Variants in SYBU observed in about 807,000 individuals in gnomAD.
SYBU encodes syntabulin.
A neutral mutation model predicts 35.9 loss-of-function variants in SYBU; 21 were observed. That is an observed-to-expected ratio of 0.58 (90% CI 0.41 to 0.84). The LOEUF is 0.84. Ranked by LOEUF, SYBU falls within the 40% of genes least tolerant of loss-of-function variation. The pLI is 0.00. For synonymous variants in SYBU, 319 were observed against 324.3 expected, an observed-to-expected ratio of 0.98 and a Z score of 0.18; for missense variants, 768 against 848.2, an observed-to-expected ratio of 0.91 and a Z score of 1.17.
chr8:109,603,457 A>G (rs1435802139), intron 3 of SYBU: 1 of 977,244 alleles, frequency 1.0e-6, no homozygotes, highest in East Asian at 1.1e-4. Context: ...TCTGGCACAA[A>G]GCACATGTTC....
intron 1 of SYBU, 65 bp from the exon 2 acceptor site, chr8:109,642,997 G>T: frequency 6.9e-7 from 1 of 1,453,360 alleles, no homozygotes; most frequent in Middle Eastern, 1.9e-4. Flanking sequence ...ACTCCTGTCG[G>T]TTCCTTCAAG....
At chr8:109,617,047 A>G (rs1811880316) in intron 3 of SYBU, among the ~76,000 whole-genome samples, 1 of 152,120 alleles carries the variant, frequency 6.6e-6, no homozygotes, top group Admixed American at 6.5e-5. Context: ...GAGGCTGGAG[A>G]ATCCATTGAA....
rs116432811 is a variant in SYBU at position 109,610,428 on chromosome 8, C to T, written c.427+8414G>A. On this transcript the variant is annotated intron_variant, in intron 3 of 6. Transcript: ENST00000276646. The stretch of plus-strand genomic sequence containing the variant: ...TTTAGCAGAAACCTCTTCTTGATTA[C>T]GTGGTGAAATGAGGGTTCCCTTTCC... Among the ~76,000 whole-genome samples the T allele has an allele frequency of 5.6e-3, 850 of 152,308 alleles. 10 individuals are homozygous for T. Among genetic ancestry groups the T allele is most frequent in the African/African-American group, 0.02 (819 of 41,566 alleles).
intron 1 of SYBU, among the ~76,000 whole-genome samples, chr8:109,675,296 G>A (rs933054932): frequency 6.6e-6 from 1 of 152,144 alleles, no homozygotes; most frequent in African/African-American, 2.4e-5. Flanking sequence ...GATCAGAGCA[G>A]AACCGAAGTA....
chr8:109,638,224 A>G (rs1814445496), intron 2 of SYBU, among the ~76,000 whole-genome samples: 1 of 152,206 alleles, frequency 6.6e-6, no homozygotes, highest in Non-Finnish European at 1.5e-5. Context: ...TTATTGCCTC[A>G]ACTAAGCAAA....
At chr8:109,674,309 G>A (rs550250998) in intron 1 of SYBU, among the ~76,000 whole-genome samples, 4 of 152,014 alleles carry the variant, frequency 2.6e-5, no homozygotes, top group African/African-American at 9.6e-5. Context: ...CTCACAAAGG[G>A]AAGCCCATCA....
intron 2 of SYBU, among the ~76,000 whole-genome samples, chr8:109,639,887 G>A (rs1405701107): frequency 6.6e-6 from 1 of 152,004 alleles, no homozygotes. Flanking sequence ...GCCTCCTAAA[G>A]CATCATTAAC....
At chr8:109,614,136 T>C (rs1321246835) in intron 3 of SYBU, among the ~76,000 whole-genome samples, 2 of 152,262 alleles carry the variant, frequency 1.3e-5, no homozygotes, top group African/African-American at 4.8e-5. Context: ...CCTTTCTCAC[T>C]TTCTACTTAT....
At chr8:109,582,804 G>A (rs1419018638) in intron 4 of SYBU, among the ~76,000 whole-genome samples, 1 of 152,056 alleles carries the variant, frequency 6.6e-6, no homozygotes, top group East Asian at 1.9e-4. Flanking sequence ...AGTTAGGGTG[G>A]GCCCTAATCC....
intron 3 of SYBU, among the ~76,000 whole-genome samples, chr8:109,606,335 C>T (rs1465260960): frequency 6.6e-6 from 1 of 152,010 alleles, no homozygotes; most frequent in Non-Finnish European, 1.5e-5. Context: ...TTTTTGTATG[C>T]CATATGCCAT....
rs546916269 is a variant in SYBU, at chr8:109,644,663, G to C, written c.-4C>G. The C allele has an allele frequency of 6.6e-7, 1 of 1,518,742 alleles. No homozygotes were observed. The highest frequency in any genetic ancestry group is 2.6e-5 in the East Asian group (1 of 38,062). 94.1% of individuals were successfully genotyped at this position (1,518,742 alleles called of 1,614,324 possible). A position where few individuals can be genotyped will look rare whatever the true frequency, so the allele number is the denominator to read the frequency against. The stretch of plus-strand genomic sequence containing the variant: ...TGCTCTCGCGGAGGGGCCCCATCGC[G>C]CCGCTGCCCGCCGGCTCCTCGCGCC... On this transcript the variant is annotated 5_prime_UTR_variant, in exon 1 of 7. Coordinates refer to ENST00000276646, the MANE Select transcript of SYBU (RefSeq NM_001099754.2).
intron 2 of SYBU, among the ~76,000 whole-genome samples, chr8:109,642,228 T>C (rs928901622): frequency 2.0e-5 from 3 of 152,098 alleles, no homozygotes; most frequent in Non-Finnish European, 4.4e-5. Context: ...TACCGCATGT[T>C]CTCACTCATA....
intron 1 of SYBU, chr8:109,643,170 C>G (rs1815128724): frequency 2.7e-6 from 3 of 1,122,488 alleles, no homozygotes; most frequent in Non-Finnish European, 3.3e-6. Context: ...CACACACACA[C>G]ACATATACAC....
chr8:109,640,810 A>T (rs1420838574), intron 2 of SYBU, among the ~76,000 whole-genome samples: 3 of 144,892 alleles, frequency 2.1e-5, no homozygotes, highest in African/African-American at 8.0e-5. Flanking sequence ...TTAGCAAAAA[A>T]TTAGTTAGCA....
At chr8:109,632,094 G>A (rs1355244960) in intron 2 of SYBU, among the ~76,000 whole-genome samples, 1 of 152,144 alleles carries the variant, frequency 6.6e-6, no homozygotes, top group Non-Finnish European at 1.5e-5. Context: ...TTGTCGCCCA[G>A]GCTGGAGAAC....
chr8:109,627,822 A>G (rs1463821945), intron 2 of SYBU, among the ~76,000 whole-genome samples: 1 of 152,218 alleles, frequency 6.6e-6, no homozygotes, highest in Non-Finnish European at 1.5e-5. Context: ...TGTTTCCAGT[A>G]TTCCTGCCTC....
upstream of SYBU, among the ~76,000 whole-genome samples, chr8:109,682,757 G>T (rs1439928096): frequency 6.6e-6 from 1 of 152,178 alleles, no homozygotes; most frequent in African/African-American, 2.4e-5. Context: ...CTTTGCAGCA[G>T]TCCCTCCCAT....
intron 1 of SYBU, among the ~76,000 whole-genome samples, chr8:109,655,185 C>G (rs1201070022): frequency 6.6e-6 from 1 of 152,250 alleles, no homozygotes; most frequent in Non-Finnish European, 1.5e-5. Flanking sequence ...GAACACACCT[C>G]CCAATCTTCA....
chr8:109,689,469 C>A (rs1817594734), intron 1 of SYBU, among the ~76,000 whole-genome samples: 1 of 152,114 alleles, frequency 6.6e-6, no homozygotes, highest in Non-Finnish European at 1.5e-5. Context: ...ACTACAGGCA[C>A]CTACTGCCAT....
Sources: allele counts gnomAD v4.1 joint callset (sites outside exome capture counted in the v4.1 genomes callset), GRCh38; gene constraint gnomAD v4.1.1; transcripts MANE v1.5; gene names NCBI Gene and HGNC (gene_info 2026-07-23, HGNC 2026-07-21).